MSH5: variants seen among roughly 807,000 people sequenced by gnomAD.
MSH5 encodes mutS homolog 5.
MSH5 carries 78 observed loss-of-function variants against 107.7 expected under a neutral mutation model. That is an observed-to-expected ratio of 0.72 (90% CI 0.60 to 0.87). The LOEUF (loss-of-function observed/expected upper bound fraction) is 0.87. Ranked by LOEUF, MSH5 falls within the 40% of genes least tolerant of loss-of-function variation. The pLI is 0.00. For missense variants in MSH5, 889 were observed against 1,046.6 expected (o/e 0.85, Z 2.08); for synonymous variants, 326 against 399.5 (o/e 0.82, Z 2.19).
chr6:31,750,150 A>G (rs1339308314), intron 10 of MSH5, among the ~76,000 whole-genome samples: 2 of 152,256 alleles, frequency 1.3e-5, no homozygotes, highest in African/African-American at 4.8e-5. Flanking sequence ...GCATGAGATC[A>G]TATAACTTGA....
At position 31,759,834 on chromosome 6, in the gene MSH5, G is replaced by C. The variant is rs141972312; in HGVS notation, c.1544G>C (p.Arg515Pro). 6.2e-7 allele frequency: 1 copy of C among 1,613,886 alleles called. No individual in the cohort carries two copies. Among genetic ancestry groups the C allele is most frequent in the South Asian group, 1.1e-5 (1 of 91,084 alleles). The stretch of plus-strand genomic sequence containing the variant: ...CAGCTACAGTGCCAGGTGCTGGCAC[G>C]AGCAGCTGTCTTAACCCGAGTATTG... ...MYQLQCQVLA[R>P]AAVLTRVLDL... Residue 515 changes from arginine to proline, a missense_variant, in exon 18 of 25, where the codon CGA (arginine) becomes CCA (proline). Coordinates refer to ENST00000375750, the MANE Select transcript of MSH5 (RefSeq NM_172166.4). The surrounding 1 kb of genome is among the most constrained non-coding windows in gnomAD (Gnocchi z 4.7).
Position 31,758,790 on chromosome 6 carries a change from C to T in MSH5, c.1241C>T (p.Pro414Leu), listed in dbSNP as rs759991582. 3 of 1,614,176 alleles carry T rather than the reference C, an allele frequency of 1.9e-6. No individual in the cohort carries two copies. Among genetic ancestry groups the T allele is most frequent in the South Asian group, 2.2e-5 (2 of 91,086 alleles). The change falls in exon 15 of 25, where the codon CCC becomes CTC. Residue 414 changes from proline (P) to leucine (L), a missense_variant. Physicochemically the swap from Pro to Leu is moderately conservative, Grantham distance 98. This residue lies in a region of MSH5 where 518 missense variants were observed against 565.0 expected (regional missense o/e 0.92). Coordinates refer to ENST00000375750, the MANE Select transcript of MSH5 (RefSeq NM_172166.4). The surrounding 1 kb of genome is among the most constrained non-coding windows in gnomAD (Gnocchi z 5.1). ...GAAAAGCGAAGACTGATGGGACTTC[C>T]CAGTTTCCTTACTGAGGTTGCCCGC... ...DEKKRRLMGL[P>L]SFLTEVARKE...
intron 10 of MSH5, among the ~76,000 whole-genome samples, chr6:31,750,149 C>T (rs1196400156): frequency 1.3e-5 from 2 of 152,134 alleles, no homozygotes; most frequent in African/African-American, 4.8e-5. Flanking sequence ...GGCATGAGAT[C>T]ATATAACTTG....
chr6:31,759,212 G>A lies in MSH5; in HGVS notation c.1407+35G>A. 1 of 1,582,308 alleles carries A rather than the reference G, an allele frequency of 6.3e-7. No homozygotes were observed. ...TCAACCTCTGTAAGGTGAGTGATGA[G>A]GAAAATGAGTCAGCAGCTGAGGAAG... On this transcript the variant is annotated intron_variant, in intron 16 of 24. Transcript: ENST00000375750. This position sits in a 1 kb window ranked among gnomAD's most constrained non-coding sequence, Gnocchi z 4.7.
chr6:31,744,095 T>C lies in MSH5; in HGVS notation c.537+70T>C, dbSNP rs746399116. ...GCTAGGGCTGAATTCTGGGAGGTAC[T>C]GGCCTAGCCCTGGAAAATAGTAACT... On this transcript the variant is annotated intron_variant, in intron 6 of 24. Transcript: ENST00000375750. 3.7e-6 allele frequency: 6 copies of C among 1,604,534 alleles called. 1 individual carries two copies. The South Asian group carries it at 5.6e-5, about 15-fold the overall frequency.
Position 31,761,806 on chromosome 6 carries a change from T to C in MSH5, c.2182-12T>C. 1 of 1,613,116 alleles carries C rather than the reference T, an allele frequency of 6.2e-7. No homozygotes were observed. The highest frequency in any genetic ancestry group is 8.5e-7 in the Non-Finnish European group (1 of 1,180,024). ...GTGATTGATGATACACTGTCTTTTA[T>C]TCTCTTTTAAGACCATGGAGACCTG... On this transcript the variant is annotated splice_polypyrimidine_tract_variant and intron_variant, in intron 22 of 24. Coordinates refer to ENST00000375750, the MANE Select transcript of MSH5 (RefSeq NM_172166.4). The surrounding 1 kb of genome is among the most constrained non-coding windows in gnomAD (Gnocchi z 5.3).
chr6:31,744,096 G>A (rs1447023143), intron 6 of MSH5, 71 bp downstream of exon 6: 3 of 1,601,372 alleles, frequency 1.9e-6, no homozygotes, highest in Admixed American at 3.5e-5. Context: ...GGGAGGTACT[G>A]GCCTAGCCCT....
Position 31,760,087 on chromosome 6 carries a change from C to G in MSH5, c.1686-3C>G. 2 of 1,601,606 alleles carry G rather than the reference C, an allele frequency of 1.2e-6. No homozygotes were observed. The highest frequency in any genetic ancestry group is 1.7e-6 in the Non-Finnish European group (2 of 1,173,122). On this transcript the variant is annotated splice_polypyrimidine_tract_variant and splice_region_variant and intron_variant, in intron 18 of 24. Transcript: ENST00000375750. This position sits in a 1 kb window ranked among gnomAD's most constrained non-coding sequence, Gnocchi z 5.6. ...ATGCGAGGTGCCTCTCCGCCCACTG[C>G]AGACATCCTCTGATGGAACTCTGTG... is the stretch of plus-strand genomic sequence containing the variant.
At chr6:31,741,085 T>C in intron 2 of MSH5, 78 bp from the exon 3 acceptor site, 8 of 1,531,532 alleles carry the variant, frequency 5.2e-6, no homozygotes, top group Non-Finnish European at 7.1e-6. Context: ...GAGAAAATGA[T>C]TAAATTATAT....
chr6:31,744,311 A>G lies in MSH5; in HGVS notation c.647+12A>G, dbSNP rs1002765117. 4 of 1,613,874 alleles carry G rather than the reference A, an allele frequency of 2.5e-6. No individual in the cohort carries two copies. Among genetic ancestry groups the G allele is most frequent in the Non-Finnish European group, 3.4e-6 (4 of 1,179,904 alleles). ...AAGAAATTTATGTTGTAGGTGATTC[A>G]CCCCAACCCCAACCAAAGTAATGTG... On this transcript the variant is annotated intron_variant, in intron 7 of 24. Transcript: ENST00000375750.
chr6:31,761,755 G>A lies in MSH5; in HGVS notation c.2182-63G>A. The A allele has an allele frequency of 1.2e-6, 2 of 1,612,954 alleles. No homozygotes were observed. The highest frequency in any genetic ancestry group is 1.7e-6 in the Non-Finnish European group (2 of 1,179,872). ...CCTTTTCTCCCTCCCCACAGGATTGGCCAAGGGTTTCAGGACAGGAAGGAG... is the reference window on the plus strand; with the variant it reads ...CCTTTTCTCCCTCCCCACAGGATTGACCAAGGGTTTCAGGACAGGAAGGAG... On this transcript the variant is annotated intron_variant, in intron 22 of 24. Coordinates refer to ENST00000375750, the MANE Select transcript of MSH5 (RefSeq NM_172166.4). This position sits in a 1 kb window ranked among gnomAD's most constrained non-coding sequence, Gnocchi z 5.3.
chr6:31,755,613 C>T (rs553772547), intron 12 of MSH5, among the ~76,000 whole-genome samples: 94 of 152,198 alleles, frequency 6.2e-4, no homozygotes, highest in African/African-American at 2.2e-3. Context: ...CTGCCTGCCC[C>T]GGCCTCCCAA....
Position 31,740,291 on chromosome 6 carries a change from C to T in MSH5, c.-13-163C>T. On this transcript the variant is annotated intron_variant, in intron 1 of 24. Coordinates refer to ENST00000375750, the MANE Select transcript of MSH5 (RefSeq NM_172166.4). The surrounding 1 kb of genome is among the most constrained non-coding windows in gnomAD (Gnocchi z 4.4). ...CCACAATCTGTACTTTAGTTAAATA[C>T]CCGAGAATTCACCTCCTGTGTCCAC... The T allele has an allele frequency of 1.6e-6, 1 of 633,092 alleles. No individual in the cohort carries two copies. Among genetic ancestry groups the T allele is most frequent in the South Asian group, 2.3e-5 (1 of 43,766 alleles). The allele number at this position is 633,092 out of a possible 1,614,324, so 39.2% of individuals were successfully genotyped here. A position where few individuals can be genotyped will look rare whatever the true frequency, so the allele number is the denominator to read the frequency against.
At position 31,744,562 on chromosome 6, in the gene MSH5, A is replaced by G. The variant is rs1337020273; in HGVS notation, c.664A>G (p.Ile222Val). The G allele has an allele frequency of 1.2e-6, 2 of 1,613,318 alleles. No homozygotes were observed. Among genetic ancestry groups the G allele is most frequent in the African/African-American group, 1.3e-5 (1 of 75,026 alleles). ...TGTCCTCAGGACTCATCTGGTGAAC[A>G]TAGATCAAGACACTTACAGGTAAAG... ...KKFMLTHLVN[I>V]DQDTYSVLQI... is the part of the protein sequence containing the mutation. Residue 222 changes from isoleucine to valine, a missense_variant, in exon 8 of 25, where the codon ATA becomes GTA. By Grantham distance (29) the Ile-to-Val change is conservative. Transcript: ENST00000375750.
In MSH5 at chr6:31,759,583, AGT is replaced by A; in HGVS notation, c.1495+73_1495+74del. Reference sequence around the variant, plus strand: ...AAGCAGCAGCCAGGGGAAGGAGGGGAGTGGGCAACTTGGGGATGCTTCCAACA... The same window carrying A: ...AAGCAGCAGCCAGGGGAAGGAGGGGAGGGCAACTTGGGGATGCTTCCAACA... On this transcript the variant is annotated intron_variant, in intron 17 of 24. Coordinates refer to ENST00000375750, the MANE Select transcript of MSH5 (RefSeq NM_172166.4). The surrounding 1 kb of genome is among the most constrained non-coding windows in gnomAD (Gnocchi z 4.7). 2.0e-6 allele frequency: 3 copies of A among 1,532,908 alleles called. No individual in the cohort carries two copies. The highest frequency in any genetic ancestry group is 2.7e-6 in the Non-Finnish European group (3 of 1,114,314). The allele number at this position is 1,532,908 out of a possible 1,614,324, so 95.0% of individuals were successfully genotyped here. A position where few individuals can be genotyped will look rare whatever the true frequency, so the allele number is the denominator to read the frequency against.
chr6:31,746,924 G>T (rs1167523531), intron 9 of MSH5, among the ~76,000 whole-genome samples: 1 of 152,120 alleles, frequency 6.6e-6, no homozygotes, highest in Non-Finnish European at 1.5e-5. Flanking sequence ...CCGGGTTCAT[G>T]CCATTCTGCT....
At chr6:31,752,465 G>A (rs1383300138) in intron 10 of MSH5, among the ~76,000 whole-genome samples, 2 of 151,988 alleles carry the variant, frequency 1.3e-5, no homozygotes, top group Non-Finnish European at 2.9e-5. Context: ...ACTCACGCCT[G>A]TAATCCCAGC....
Position 31,761,173 on chromosome 6 carries a change from C to G in MSH5, c.1963-15C>G. The G allele has an allele frequency of 6.2e-7, 1 of 1,612,692 alleles. No homozygotes were observed. The highest frequency in any genetic ancestry group is 8.5e-7 in the Non-Finnish European group (1 of 1,179,410). ...TCCAATACTAACTTTCCCTTGTCCA[C>G]CTTATACCCAGCAGGTGGCGAAAGC... On this transcript the variant is annotated splice_polypyrimidine_tract_variant and intron_variant, in intron 20 of 24. Coordinates refer to ENST00000375750, the MANE Select transcript of MSH5 (RefSeq NM_172166.4). This position sits in a 1 kb window ranked among gnomAD's most constrained non-coding sequence, Gnocchi z 5.3.
chr6:31,757,408 T>C (rs1810545589), intron 12 of MSH5: 1 of 152,034 alleles, frequency 6.6e-6, no homozygotes, highest in South Asian at 2.1e-4. Flanking sequence ...CCTCCCAAAG[T>C]GCTGGGATTA....
Sources: allele counts gnomAD v4.1 joint callset (sites outside exome capture counted in the v4.1 genomes callset), GRCh38; gene constraint gnomAD v4.1.1; regional missense constraint gnomAD v4.1.1; non-coding constraint Gnocchi (gnomAD v3.1); transcripts MANE v1.5; gene names NCBI Gene and HGNC (gene_info 2026-07-23, HGNC 2026-07-21).